The following LRP12 variants were observed in gnomAD, a reference collection of about 807,000 sequenced individuals.
LRP12 encodes LDL receptor related protein 12, also known as low-density lipoprotein receptor-related protein 12.
A neutral mutation model predicts 66.0 loss-of-function variants in LRP12; 14 were observed. The observed-to-expected ratio is 0.21, with a 90% CI of 0.14 to 0.33. The LOEUF is 0.33. Ranked by LOEUF, LRP12 falls within the 10% of genes least tolerant of loss-of-function variation. The pLI is 1.00. For missense variants in LRP12, 889 were observed against 1,053.4 expected, an observed-to-expected ratio of 0.84 and a Z score of 2.16; for synonymous variants, 357 against 359.1, an observed-to-expected ratio of 0.99 and a Z score of 0.07.
Position 104,491,400 on chromosome 8 carries a change from AATGACC to A in LRP12, c.1847_1852del (p.Gly616_Leu618delinsVal). ...ATCTCCATCTGCTGAGACCAAAGCC[AATGACC>A]CAGAATGACGTGATCTTGCAAAATT... On this transcript the variant is annotated inframe_deletion, in exon 7 of 7. Coordinates refer to ENST00000276654, the MANE Select transcript of LRP12 (RefSeq NM_013437.5). 1.2e-6 allele frequency: 2 copies of A among 1,614,120 alleles called. No individual in the cohort carries two copies. Among genetic ancestry groups the A allele is most frequent in the Non-Finnish European group, 1.7e-6 (2 of 1,180,016 alleles).
chr8:104,582,564 T>C (rs932593894), intron 1 of LRP12, among the ~76,000 whole-genome samples: 1 of 152,186 alleles, frequency 6.6e-6, no homozygotes, highest in African/African-American at 2.4e-5. Context: ...CACCCTTTGC[T>C]TCTTGCCTGA....
Position 104,491,187 on chromosome 8 carries a change from A to C in LRP12, c.2066T>G (p.Val689Gly), listed in dbSNP as rs373964473. The C allele has an allele frequency of 2.5e-6, 4 of 1,614,020 alleles. No homozygotes were observed. Among genetic ancestry groups the C allele is most frequent in the Admixed American group, 3.3e-5 (2 of 60,016 alleles). The change falls in exon 7 of 7, where the codon GTA becomes GGA. Residue 689 changes from valine (V) to glycine (G), a missense_variant. Around this residue, in one of 3 missense-constraint regions of LRP12, gnomAD observed 800 missense variants for 964.5 expected, o/e 0.83. Coordinates refer to ENST00000276654, the MANE Select transcript of LRP12 (RefSeq NM_013437.5). ...AGTTGAGGAACTTGCACATGCTCCT[A>C]CTGTCGCTTCTACTGCCGTTGTGGG... The part of the protein sequence containing the change: ...VPPTTAVEAT[V>G]GACASSSTQS...
At chr8:104,556,084 A>G (rs905765716) in intron 1 of LRP12, among the ~76,000 whole-genome samples, 3 of 152,154 alleles carry the variant, frequency 2.0e-5, no homozygotes, top group African/African-American at 7.2e-5. Context: ...TGAAATCAAG[A>G]TGGAAATTTA....
intron 1 of LRP12, among the ~76,000 whole-genome samples, chr8:104,547,976 T>G (rs942455183): frequency 6.8e-5 from 8 of 117,970 alleles, no homozygotes; most frequent in Admixed American, 3.8e-4. Context: ...ATTTTGTATA[T>G]AATATATAAT....
chr8:104,588,991 CCGCCGCCGA>C lies in LRP12; in HGVS notation c.-103_-95del, dbSNP rs1812390341. 5.4e-6 allele frequency: 5 copies of C among 921,210 alleles called. No individual in the cohort carries two copies. In the African/African-American group the frequency reaches 6.9e-5, roughly 13 times the overall value. The allele number at this position is 921,210 out of a possible 1,614,324, so 57.1% of individuals were successfully genotyped here. Reference sequence around the variant, plus strand: ...GCCGACGCCGCCGCCGCCGCCGCCGCCGCCGCCGAGCCACCGGCTGCTCCCTGCGCTCTC... The same window carrying C: ...GCCGACGCCGCCGCCGCCGCCGCCGCGCCACCGGCTGCTCCCTGCGCTCTC... On this transcript the variant is annotated 5_prime_UTR_variant, in exon 1 of 7. Coordinates refer to ENST00000276654, the MANE Select transcript of LRP12 (RefSeq NM_013437.5).
At chr8:104,571,563 AAG>A (rs1287215650) in intron 1 of LRP12, among the ~76,000 whole-genome samples, 2 of 152,122 alleles carry the variant, frequency 1.3e-5, no homozygotes, top group African/African-American at 4.8e-5. Context: ...TCACCTTGTG[AAG>A]AAGGTGCCTT....
intron 3 of LRP12, among the ~76,000 whole-genome samples, chr8:104,501,108 T>G (rs1358589330): frequency 6.6e-6 from 1 of 152,228 alleles, no homozygotes; most frequent in Non-Finnish European, 1.5e-5. Flanking sequence ...CTTTATTCAT[T>G]AATATTTCTT....
intron 1 of LRP12, among the ~76,000 whole-genome samples, chr8:104,580,110 A>G (rs1273409675): frequency 1.3e-5 from 2 of 151,958 alleles, no homozygotes; most frequent in Admixed American, 1.3e-4. Context: ...GCTTCTGTCC[A>G]GCAAAGGAAA....
intron 2 of LRP12, 71 bp from the exon 3 acceptor site, chr8:104,509,145 T>C: frequency 6.8e-6 from 10 of 1,470,438 alleles, no homozygotes; most frequent in Non-Finnish European, 9.1e-6. Flanking sequence ...TCAGTGTTTA[T>C]TTTTTAAAAA....
intron 1 of LRP12, among the ~76,000 whole-genome samples, chr8:104,578,524 C>A (rs1276540312): frequency 1.3e-5 from 2 of 152,122 alleles, no homozygotes; most frequent in Non-Finnish European, 2.9e-5. Flanking sequence ...GGGCTCCCTC[C>A]TAACTCATTC....
At chr8:104,550,027 T>C (rs573775121) in intron 1 of LRP12, among the ~76,000 whole-genome samples, 1 of 152,294 alleles carries the variant, frequency 6.6e-6, no homozygotes, top group South Asian at 2.1e-4. Flanking sequence ...TATTGATAGA[T>C]CCCAAATTTC....
Position 104,588,994 on chromosome 8 carries a change from C to CCGT in LRP12, c.-98_-97insACG, listed in dbSNP as rs1161222519. On this transcript the variant is annotated 5_prime_UTR_variant, in exon 1 of 7. Coordinates refer to ENST00000276654, the MANE Select transcript of LRP12 (RefSeq NM_013437.5). ...GACGCCGCCGCCGCCGCCGCCGCCG[C>CCGT]CGCCGAGCCACCGGCTGCTCCCTGC... 6 of 902,562 alleles carry CCGT rather than the reference C, an allele frequency of 6.6e-6. No homozygotes were observed. The highest frequency in any genetic ancestry group is 9.9e-6 in the Non-Finnish European group (6 of 607,362). The allele number at this position is 902,562 out of a possible 1,614,324, so 55.9% of individuals were successfully genotyped here. A position where few individuals can be genotyped will look rare whatever the true frequency, so the allele number is the denominator to read the frequency against.
At chr8:104,532,368 G>C (rs1045319932) in intron 1 of LRP12, among the ~76,000 whole-genome samples, 2 of 147,268 alleles carry the variant, frequency 1.4e-5, no homozygotes, top group African/African-American at 2.5e-5. Context: ...ACATATGTTG[G>C]TACTTAAAAA....
At chr8:104,571,756 T>C (rs895404444) in intron 1 of LRP12, among the ~76,000 whole-genome samples, 12 of 152,202 alleles carry the variant, frequency 7.9e-5, no homozygotes, top group South Asian at 2.1e-4. Flanking sequence ...GCAAACCCTA[T>C]TGTGAACTGC....
At chr8:104,538,736 C>T (rs1305838164) in intron 1 of LRP12, among the ~76,000 whole-genome samples, 3 of 152,278 alleles carry the variant, frequency 2.0e-5, no homozygotes, top group South Asian at 2.1e-4. Flanking sequence ...ACTTCCCACA[C>T]GATGGAACTG....
intron 2 of LRP12, among the ~76,000 whole-genome samples, chr8:104,530,443 T>C (rs1811308783): frequency 6.6e-6 from 1 of 152,138 alleles, no homozygotes; most frequent in Non-Finnish European, 1.5e-5. Flanking sequence ...TCTCTGAACA[T>C]TCATAGAAAA....
At chr8:104,517,796 T>C (rs1024757749) in intron 2 of LRP12, among the ~76,000 whole-genome samples, 3 of 152,024 alleles carry the variant, frequency 2.0e-5, no homozygotes, top group African/African-American at 2.4e-5. Context: ...GTAAGAAGGA[T>C]TTGATTCCAA....
intron 3 of LRP12, chr8:104,508,609 G>A (rs1183406711): frequency 5.4e-6 from 1 of 186,222 alleles, no homozygotes; most frequent in African/African-American, 2.4e-5. Flanking sequence ...GTGAATTAAT[G>A]AGTTTTGTTT....
chr8:104,573,501 G>A (rs1812114533), intron 1 of LRP12, among the ~76,000 whole-genome samples: 1 of 152,000 alleles, frequency 6.6e-6, no homozygotes, highest in Admixed American at 6.6e-5. Flanking sequence ...GCGTAAGAAG[G>A]GATCTACTTC....
Sources: gnomAD v4.1 joint callset for allele counts (sites outside exome capture counted in the v4.1 genomes callset) on GRCh38, gnomAD v4.1.1 for gene constraint, gnomAD v4.1.1 regional missense constraint, MANE v1.5 for transcripts, NCBI Gene and HGNC (gene_info 2026-07-23, HGNC 2026-07-21) for gene names.